The following MTG1 variants were observed in gnomAD, a reference collection of about 807,000 sequenced individuals.
The protein encoded by MTG1 is mitochondrial ribosome associated GTPase 1.
A neutral mutation model predicts 39.5 loss-of-function variants in MTG1; 30 were observed. The observed-to-expected ratio is 0.76, with a 90% confidence interval of 0.57 to 1.03. The LOEUF is 1.03. Ranked by LOEUF, MTG1 falls within the 50% of genes least tolerant of loss-of-function variation. MTG1 has a pLI of 0.00. For missense variants in MTG1, 513 were observed against 447.4 expected (o/e 1.15, Z -1.32); for synonymous variants, 217 against 179.0 (o/e 1.21, Z -1.69).
Position 133,420,412 on chromosome 10 carries a change from G to A in MTG1, c.*247G>A. Reference sequence around the variant, plus strand: ...GCTCCGCATGCTTGGTTCTCCCGGAGCTTCCTGCTCAGGCCTCTTGAGAAA... The same window carrying A: ...GCTCCGCATGCTTGGTTCTCCCGGAACTTCCTGCTCAGGCCTCTTGAGAAA... On this transcript the variant is annotated 3_prime_UTR_variant, in exon 11 of 11. Transcript: ENST00000317502. The A allele has an allele frequency of 2.3e-6, 1 of 440,448 alleles. No individual in the cohort carries two copies. Among genetic ancestry groups the A allele is most frequent in the South Asian group, 6.3e-5 (1 of 15,928 alleles). 27.3% of individuals were successfully genotyped at this position (440,448 alleles called of 1,614,324 possible). A position where few individuals can be genotyped will look rare whatever the true frequency, so the allele number is the denominator to read the frequency against.
chr10:133,402,436 C>T lies in MTG1; in HGVS notation c.670+191C>T. ...CAGCTGACAGGCACTGGTCACCATT[C>T]CACCCTGCCCCATGAGTGGCCTTCC... On this transcript the variant is annotated intron_variant, in intron 8 of 10. Transcript: ENST00000317502. The surrounding 1 kb of genome is among the most constrained non-coding windows in gnomAD (Gnocchi z 4.7). 1 of 713,904 alleles carries T rather than the reference C, an allele frequency of 1.4e-6. No homozygotes were observed. Among genetic ancestry groups the T allele is most frequent in the Non-Finnish European group, 2.3e-6 (1 of 426,684 alleles). 44.2% of individuals were successfully genotyped at this position (713,904 alleles called of 1,614,324 possible). A position where few individuals can be genotyped will look rare whatever the true frequency, so the allele number is the denominator to read the frequency against.
At chr10:133,394,354 C>G (rs917668982) in intron 1 of MTG1, 22 bp downstream of exon 1, 2 of 1,472,740 alleles carry the variant, frequency 1.4e-6, no homozygotes, top group Non-Finnish European at 1.8e-6. Flanking sequence ...CGGGGAGGGG[C>G]AAGGTCATGC....
chr10:133,407,571 C>CTT lies in MTG1; in HGVS notation c.752+4811_752+4812dup, dbSNP rs1159757820. ...ATTATAAATGGGATTTTCTTGATTT[C>CTT]TTTTTTTTTTTTTTGAGATGGAGTT... is the stretch of plus-strand genomic sequence containing the variant. On this transcript the variant is annotated intron_variant, in intron 9 of 10. Transcript: ENST00000317502. Among the ~76,000 whole-genome samples the CTT allele has an allele frequency of 7.5e-3, 1,057 of 140,146 alleles. 8 individuals carry two copies. Among genetic ancestry groups the CTT allele is most frequent in the Middle Eastern group, 0.049 (13 of 268 alleles). The allele number at this position is 140,146 out of a possible 152,430, so 91.9% of individuals were successfully genotyped here. A position where few individuals can be genotyped will look rare whatever the true frequency, so the allele number is the denominator to read the frequency against.
chr10:133,401,658 C>A, intron 7 of MTG1, 68 bp downstream of exon 7: 1 of 1,485,366 alleles, frequency 6.7e-7, no homozygotes, highest in Non-Finnish European at 9.4e-7. Flanking sequence ...ACCTGCCGAC[C>A]TCTGTGTGGC....
At chr10:133,410,961 G>A (rs533419560) in intron 9 of MTG1, among the ~76,000 whole-genome samples, 5 of 151,928 alleles carry the variant, frequency 3.3e-5, no homozygotes, top group African/African-American at 1.2e-4. Flanking sequence ...TATTATTTTT[G>A]ATACATTTTT....
chr10:133,398,657 G>A (rs1054823442), intron 4 of MTG1, 142 bp downstream of exon 4: 40 of 911,646 alleles, frequency 4.4e-5, no homozygotes, highest in East Asian at 2.4e-4. Flanking sequence ...ACACGGATGC[G>A]ATCTCCTGGG....
rs1849745832 is a variant in MTG1 at position 133,394,272 on chromosome 10, G to A, written c.52G>A (p.Glu18Lys). Residue 18 changes from glutamate to lysine, a missense_variant, in exon 1 of 11, where the codon GAG becomes AAG. Physicochemically the swap from Glu to Lys is moderately conservative, Grantham distance 56. Transcript: ENST00000317502. ...LCSAAQAAWR[E>K]NFPLCGRDVA... ...CAGCGCCGCCCAGGCCGCCTGGCGG[G>A]AGAACTTCCCCCTGTGCGGTCGCGA... is the stretch of plus-strand genomic sequence containing the variant. 6.6e-6 allele frequency: 10 copies of A among 1,517,738 alleles called. No individual in the cohort carries two copies. Among genetic ancestry groups the A allele is most frequent in the Non-Finnish European group, 8.8e-6 (10 of 1,137,306 alleles). The allele number at this position is 1,517,738 out of a possible 1,614,324, so 94.0% of individuals were successfully genotyped here. A position where few individuals can be genotyped will look rare whatever the true frequency, so the allele number is the denominator to read the frequency against.
rs767147179 is a variant in MTG1, at chr10:133,395,221, G to A, written c.113-492G>A. On this transcript the variant is annotated intron_variant, in intron 1 of 10. Coordinates refer to ENST00000317502, the MANE Select transcript of MTG1 (RefSeq NM_138384.4). ...CTATCCTGGCCAGCATGGTGAAACC[G>A]TGTCTCTACTAAAAATACAAAAAAT... Among the ~76,000 whole-genome samples, 11 of 152,168 alleles carry A rather than the reference G, an allele frequency of 7.2e-5. 1 individual carries two copies. Among genetic ancestry groups the A allele is most frequent in the Non-Finnish European group, 1.5e-4 (10 of 67,978 alleles).
chr10:133,394,829 A>G, intron 1 of MTG1: 1 of 831,314 alleles, frequency 1.2e-6, no homozygotes, highest in Non-Finnish European at 1.5e-6. Flanking sequence ...GGCCCCAAGA[A>G]GACCTCTGGG....
At chr10:133,417,862 A>T (rs1323265547) in intron 9 of MTG1, among the ~76,000 whole-genome samples, 1 of 152,212 alleles carries the variant, frequency 6.6e-6, no homozygotes, top group Non-Finnish European at 1.5e-5. Context: ...CCACTGCTCA[A>T]TGAAATAAAA....
At chr10:133,412,934 C>T (rs1302794504) in intron 9 of MTG1, among the ~76,000 whole-genome samples, 1 of 152,146 alleles carries the variant, frequency 6.6e-6, no homozygotes, top group African/African-American at 2.4e-5. Flanking sequence ...TTTCTTCTTG[C>T]TGTTCAGTCA....
At chr10:133,414,450 G>C (rs1289218527) in intron 9 of MTG1, among the ~76,000 whole-genome samples, 1 of 152,190 alleles carries the variant, frequency 6.6e-6, no homozygotes, top group Non-Finnish European at 1.5e-5. Context: ...CAGACGGGGT[G>C]GTGGCCGGGC....
intron 2 of MTG1, 141 bp from the exon 3 acceptor site, chr10:133,396,022 T>G: frequency 1.1e-6 from 1 of 873,796 alleles, no homozygotes; most frequent in Non-Finnish European, 1.9e-6. Context: ...TGAAACTGTT[T>G]AAATGTTCCT....
At chr10:133,394,578 G>A in intron 1 of MTG1, 5 of 1,323,556 alleles carry the variant, frequency 3.8e-6, no homozygotes, top group Non-Finnish European at 4.8e-6. Flanking sequence ...CGGACCCAGG[G>A]CCTGCTTGAC....
intron 6 of MTG1, among the ~76,000 whole-genome samples, chr10:133,400,351 G>A (rs1373508649): frequency 1.3e-5 from 2 of 152,184 alleles, no homozygotes; most frequent in Non-Finnish European, 2.9e-5. Context: ...CTCCGGAGTC[G>A]CAGGCGCTCC....
chr10:133,407,571 CTTT>C (rs1159757820), intron 9 of MTG1, among the ~76,000 whole-genome samples: 1 of 140,110 alleles, frequency 7.1e-6, no homozygotes. Context: ...TTCTTGATTT[CTTT>C]TTTTTTTTTT....
chr10:133,400,899 G>T (rs1300264630), intron 6 of MTG1, among the ~76,000 whole-genome samples: 2 of 152,228 alleles, frequency 1.3e-5, no homozygotes, highest in Non-Finnish European at 2.9e-5. Flanking sequence ...AGGTTCGTCT[G>T]TGTTGTCCTG....
At chr10:133,394,654 C>T (rs1019671914) in intron 1 of MTG1, 37 of 1,186,270 alleles carry the variant, frequency 3.1e-5, no homozygotes, top group Middle Eastern at 3.4e-4. Flanking sequence ...CTTTTAATCC[C>T]CCGAAGCCTC....
chr10:133,410,908 TA>T (rs1159484056), intron 9 of MTG1, among the ~76,000 whole-genome samples: 4 of 149,216 alleles, frequency 2.7e-5, no homozygotes, highest in Non-Finnish European at 4.4e-5. Context: ...TATTTCAATT[TA>T]TTTTTTTTTA....
Sources: allele counts gnomAD v4.1 joint callset (sites outside exome capture counted in the v4.1 genomes callset), GRCh38; gene constraint gnomAD v4.1.1; non-coding constraint Gnocchi (gnomAD v3.1); transcripts MANE v1.5; gene names NCBI Gene and HGNC (gene_info 2026-07-23, HGNC 2026-07-21).